DEUP1: variants seen among roughly 807,000 people sequenced by gnomAD.
DEUP1 encodes the protein deuterosome assembly protein 1, also known as coiled-coil domain containing 67.
A neutral mutation model predicts 87.4 loss-of-function variants in DEUP1; 82 were observed. The ratio of observed to expected loss-of-function variants is 0.94; its 90% CI spans 0.78 to 1.13. DEUP1 has a LOEUF of 1.13. Ranked by LOEUF, DEUP1 falls within the 50% of genes most tolerant of loss-of-function variation. The probability of loss-of-function intolerance (pLI) is 0.00; values close to 1 mark genes in which losing one functional copy is unlikely to be tolerated. For synonymous variants in DEUP1, 214 were observed against 222.7 expected (o/e 0.96, Z 0.35); for missense variants, 663 against 681.5 (o/e 0.97, Z 0.30).
intron 5 of DEUP1, among the ~76,000 whole-genome samples, chr11:93,366,366 TA>T (rs1354720566): frequency 3.9e-5 from 6 of 152,192 alleles, no homozygotes; most frequent in Non-Finnish European, 8.8e-5. Flanking sequence ...GAGGGCTTTT[TA>T]AAACATCTAA....
intron 5 of DEUP1, among the ~76,000 whole-genome samples, chr11:93,368,548 A>G (rs1945538730): frequency 6.6e-6 from 1 of 152,186 alleles, no homozygotes; most frequent in African/African-American, 2.4e-5. Flanking sequence ...GGAGAGAAAG[A>G]GAGAGAAAAG....
At chr11:93,334,316 T>C (rs575173101) in intron 2 of DEUP1, among the ~76,000 whole-genome samples, 12 of 152,294 alleles carry the variant, frequency 7.9e-5, no homozygotes, top group Admixed American at 2.6e-4. Flanking sequence ...ACAGTAATGT[T>C]TTGTGGAGCA....
chr11:93,409,540 C>T (rs1036323149), intron 12 of DEUP1, among the ~76,000 whole-genome samples: 3 of 152,178 alleles, frequency 2.0e-5, no homozygotes, highest in Admixed American at 1.3e-4. Flanking sequence ...GTATGCAGCA[C>T]TCCCCAGACA....
chr11:93,383,049 T>C (rs1946372668), intron 7 of DEUP1, among the ~76,000 whole-genome samples: 1 of 152,200 alleles, frequency 6.6e-6, no homozygotes, highest in Admixed American at 6.5e-5. Context: ...AAATAAATTA[T>C]CTGGGAACTC....
At chr11:93,405,248 A>G (rs1304441596) in intron 11 of DEUP1, among the ~76,000 whole-genome samples, 3 of 151,898 alleles carry the variant, frequency 2.0e-5, no homozygotes, top group Non-Finnish European at 2.9e-5. Flanking sequence ...TTATGGAGGG[A>G]AAAAATGTAT....
intron 7 of DEUP1, among the ~76,000 whole-genome samples, chr11:93,382,438 C>T (rs1257840721): frequency 6.6e-6 from 1 of 152,050 alleles, no homozygotes; most frequent in Non-Finnish European, 1.5e-5. Flanking sequence ...ATGCTTGTAC[C>T]TGTGTAGTTA....
intron 5 of DEUP1, 67 bp from the exon 6 acceptor site, chr11:93,370,006 G>A: frequency 1.4e-6 from 1 of 729,264 alleles, no homozygotes; most frequent in Non-Finnish European, 2.3e-6. Flanking sequence ...AATGAAAGAA[G>A]CCTTATTTGC....
At chr11:93,384,682 C>T (rs942835984) in intron 7 of DEUP1, among the ~76,000 whole-genome samples, 1 of 152,170 alleles carries the variant, frequency 6.6e-6, no homozygotes, top group African/African-American at 2.4e-5. Flanking sequence ...CCAGCTTTGC[C>T]ATTAGCTTAT....
intron 4 of DEUP1, among the ~76,000 whole-genome samples, chr11:93,362,150 G>C (rs951842677): frequency 2.0e-5 from 3 of 151,920 alleles, no homozygotes; most frequent in African/African-American, 7.2e-5. Context: ...CATGACCTTG[G>C]ATTAGGCAAT....
intron 4 of DEUP1, among the ~76,000 whole-genome samples, chr11:93,358,145 A>G (rs1565304498): frequency 6.6e-6 from 1 of 152,214 alleles, no homozygotes; most frequent in East Asian, 1.9e-4. Flanking sequence ...CTAGAAAGTT[A>G]GGTGCCATCT....
chr11:93,347,349 G>A, intron 2 of DEUP1, among the ~76,000 whole-genome samples: 1 of 152,174 alleles, frequency 6.6e-6, no homozygotes, highest in East Asian at 1.9e-4. Flanking sequence ...AATCACCCTT[G>A]CATCCCAGGG....
At position 93,371,191 on chromosome 11, in the gene DEUP1, G is replaced by A. The variant is rs2134267242; in HGVS notation, c.700G>A (p.Val234Ile). ...CATTATTGAAAAACTGAAATCAGCT[G>A]TAAATGAGATAGCACTAAGCAGGAA... ...EFIIEKLKSA[V>I]NEIALSRNKL... is the part of the protein sequence containing the mutation. The change falls in exon 7 of 14, where the codon GTA (valine) becomes ATA (isoleucine). Residue 234 changes from valine (V) to isoleucine (I), a missense_variant. Transcript: ENST00000298050. 1 of 1,613,082 alleles carries A rather than the reference G, an allele frequency of 6.2e-7. No homozygotes were observed.
At chr11:93,401,312 G>T (rs978226514) in intron 11 of DEUP1, among the ~76,000 whole-genome samples, 11 of 151,930 alleles carry the variant, frequency 7.2e-5, no homozygotes, top group Non-Finnish European at 1.3e-4. Context: ...AAAATGGAAA[G>T]ATATTCCATT....
intron 5 of DEUP1, among the ~76,000 whole-genome samples, chr11:93,368,507 G>A (rs1374488986): frequency 1.3e-5 from 2 of 152,288 alleles, no homozygotes; most frequent in Middle Eastern, 6.8e-3. Flanking sequence ...AAGGCAAAGG[G>A]GAAGCAAGGC....
chr11:93,353,225 C>T (rs994659806), intron 2 of DEUP1, among the ~76,000 whole-genome samples: 13 of 152,300 alleles, frequency 8.5e-5, no homozygotes, highest in Non-Finnish European at 1.6e-4. Context: ...TGTTTGAAAT[C>T]CAGCAGGGCA....
At chr11:93,336,269 C>T (rs1466858142) in intron 2 of DEUP1, among the ~76,000 whole-genome samples, 1 of 152,092 alleles carries the variant, frequency 6.6e-6, no homozygotes, top group Non-Finnish European at 1.5e-5. Flanking sequence ...GGAGTTGCAT[C>T]TCCTGAGAAC....
chr11:93,382,775 A>G (rs940306418), intron 7 of DEUP1, among the ~76,000 whole-genome samples: 5 of 152,210 alleles, frequency 3.3e-5, no homozygotes, highest in Admixed American at 6.5e-5. Context: ...CATTAAGTCA[A>G]TTTGTATTTC....
rs763765916 is a variant in DEUP1, at chr11:93,394,593, C to T, written c.1176C>T (p.Ala392=). ...TAGCAACTGTCACAAAGAAAGCTGC[C>T]CTTCTGGAAAAACAGTTAAAAATGG... ...ITIATVTKKA[A]LLEKQLKMEL... The change falls in exon 10 of 14, where the codon GCC becomes GCT. Residue 392 remains alanine (A), a synonymous_variant. Coordinates refer to ENST00000298050, the MANE Select transcript of DEUP1 (RefSeq NM_181645.4). 1.9e-5 allele frequency: 30 copies of T among 1,612,426 alleles called. No homozygotes were observed. Among genetic ancestry groups the T allele is most frequent in the East Asian group, 1.3e-4 (6 of 44,846 alleles).
At chr11:93,429,331 A>G (rs2134497658) in intron 13 of DEUP1, among the ~76,000 whole-genome samples, 1 of 152,278 alleles carries the variant, frequency 6.6e-6, no homozygotes, top group Middle Eastern at 3.4e-3. Context: ...AAACTAAATA[A>G]AATTCCTCAT....
Sources: gnomAD v4.1 joint callset for allele counts (sites outside exome capture counted in the v4.1 genomes callset) on GRCh38, gnomAD v4.1.1 for gene constraint, MANE v1.5 for transcripts, NCBI Gene and HGNC (gene_info 2026-07-23, HGNC 2026-07-21) for gene names.